The following RGS18 variants were observed in gnomAD, a reference collection of about 807,000 sequenced individuals.
The protein encoded by RGS18 is regulator of G protein signaling 18.
Under a neutral mutation model 27.6 loss-of-function variants are expected in RGS18, and 22 were observed. The observed-to-expected ratio is 0.80, with a 90% CI of 0.57 to 1.14. The LOEUF (loss-of-function observed/expected upper bound fraction) is 1.14, where lower values mean the gene tolerates loss of function less well. RGS18 is among the 50% of genes most tolerant of loss of function. The pLI is 0.00. For missense variants in RGS18, 299 were observed against 269.6 expected (o/e 1.11, Z -0.76); for synonymous variants, 89 against 84.6 (o/e 1.05, Z -0.29).
At chr1:192,178,886 C>A (rs1436053718) in intron 3 of RGS18, among the ~76,000 whole-genome samples, 1 of 151,372 alleles carries the variant, frequency 6.6e-6, no homozygotes, top group Non-Finnish European at 1.5e-5. Flanking sequence ...TTTCTAATGC[C>A]TCATTTTGTC....
At position 192,181,448 on chromosome 1, in the gene RGS18, C is replaced by A. The variant is rs1164501546; in HGVS notation, c.440C>A (p.Ala147Asp). ...TATGAGAAATTTATACAGACTGATGCCCCAAAAGAGGTACAGTAAAGATAA... is the reference window on the plus strand; with the variant it reads ...TATGAGAAATTTATACAGACTGATGACCCAAAAGAGGTACAGTAAAGATAA... The part of the protein sequence containing the change: ...AIYEKFIQTD[A>D]PKEVNLDFHT... The change falls in exon 4 of 5, where the codon GCC (alanine) becomes GAC (aspartate). Residue 147 changes from alanine to aspartate, a missense_variant. Ala to Asp is a moderately radical substitution (Grantham distance 126). Transcript: ENST00000367460. 6.5e-7 allele frequency: 1 copy of A among 1,542,556 alleles called. No individual in the cohort carries two copies. The highest frequency in any genetic ancestry group is 1.3e-5 in the South Asian group (1 of 75,746).
chr1:192,163,983 C>T (rs1656116809), intron 3 of RGS18, among the ~76,000 whole-genome samples: 1 of 151,340 alleles, frequency 6.6e-6, no homozygotes, highest in Admixed American at 6.6e-5. Flanking sequence ...TTATAAAATG[C>T]ATACTTTTCT....
chr1:192,183,929 G>A (rs1477960365), intron 4 of RGS18, among the ~76,000 whole-genome samples: 1 of 151,564 alleles, frequency 6.6e-6, no homozygotes, highest in Non-Finnish European at 1.5e-5. Context: ...AAAAGGCAGA[G>A]GGGGAGCAGT....
intron 3 of RGS18, among the ~76,000 whole-genome samples, chr1:192,161,191 C>A (rs1656065931): frequency 6.6e-6 from 1 of 152,140 alleles, no homozygotes; most frequent in East Asian, 1.9e-4. Flanking sequence ...ATTCTTCATT[C>A]TGTACTTCAT....
chr1:192,184,839 A>C lies in RGS18; in HGVS notation c.*285A>C, dbSNP rs1202699348. ...AAGTAATAATGTTTTATAAGATTGT[A>C]GAGTTAAGTAAAAGTTAAGCTTTTG... is the stretch of plus-strand genomic sequence containing the variant. On this transcript the variant is annotated 3_prime_UTR_variant, in exon 5 of 5. Transcript: ENST00000367460. 6 of 289,822 alleles carry C rather than the reference A, an allele frequency of 2.1e-5. No homozygotes were observed. Among genetic ancestry groups the C allele is most frequent in the Non-Finnish European group, 1.9e-5 (3 of 154,950 alleles). The allele number at this position is 289,822 out of a possible 1,614,324, so 18.0% of individuals were successfully genotyped here. A position where few individuals can be genotyped will look rare whatever the true frequency, so the allele number is the denominator to read the frequency against.
At chr1:192,177,903 AT>A (rs1656384432) in intron 3 of RGS18, among the ~76,000 whole-genome samples, 1 of 151,726 alleles carries the variant, frequency 6.6e-6, no homozygotes, top group Admixed American at 6.6e-5. Context: ...AAGAATCATA[AT>A]AAAATTTGTA....
In RGS18 at chr1:192,160,402, A is replaced by T; in HGVS notation, c.246A>T (p.Lys82Asn). The change falls in exon 3 of 5, where the codon AAA (lysine) becomes AAT (asparagine). Residue 82 changes from lysine (K) to asparagine (N), a missense_variant. Physicochemically the swap from Lys to Asn is moderately conservative, Grantham distance 94 (BLOSUM62 0). Transcript: ENST00000367460. ...ETRVSPEEAVKWGESFDKLLS... is the reference protein window; with the variant it reads ...ETRVSPEEAVNWGESFDKLLS... ...GAGTCTCCCCTGAAGAGGCAGTGAA[A>T]TGGGGTGAATCATTTGACAAACTGC... 1 of 1,612,536 alleles carries T rather than the reference A, an allele frequency of 6.2e-7. No individual in the cohort carries two copies. Among genetic ancestry groups the T allele is most frequent in the Non-Finnish European group, 8.5e-7 (1 of 1,178,728 alleles).
At chr1:192,161,323 T>G (rs551543721) in intron 3 of RGS18, 5 of 152,198 alleles carry the variant, frequency 3.3e-5, no homozygotes, top group African/African-American at 1.2e-4. Flanking sequence ...CATTTGACTC[T>G]GGAACACTGT....
intron 3 of RGS18, among the ~76,000 whole-genome samples, chr1:192,166,832 C>T (rs1440670328): frequency 1.3e-5 from 2 of 152,054 alleles, no homozygotes; most frequent in Admixed American, 6.5e-5. Flanking sequence ...AAAAGTTTTG[C>T]AGGGTTTTGT....
intron 3 of RGS18, chr1:192,163,629 C>G (rs1468062214): frequency 6.6e-6 from 1 of 152,066 alleles, no homozygotes; most frequent in Non-Finnish European, 1.5e-5. Flanking sequence ...TGGATATTAT[C>G]ACTTGTCATG....
intron 3 of RGS18, among the ~76,000 whole-genome samples, chr1:192,171,214 G>C (rs569182536): frequency 6.6e-6 from 1 of 152,060 alleles, no homozygotes; most frequent in African/African-American, 2.4e-5. Flanking sequence ...AAAAGCATAT[G>C]CTCAGTGTGA....
At position 192,160,383 on chromosome 1, in the gene RGS18, C is replaced by T. The variant is rs1207654677; in HGVS notation, c.227C>T (p.Ser76Phe). 1 of 1,610,688 alleles carries T rather than the reference C, an allele frequency of 6.2e-7. No homozygotes were observed. Residue 76 changes from serine (S) to phenylalanine (F), a missense_variant, in exon 3 of 5, where the codon TCC becomes TTC. By Grantham distance (155) the Ser-to-Phe change is radical. Transcript: ENST00000367460. ...ACATTTTGTTTCTTGTACAGAGTCT[C>T]CCCTGAAGAGGCAGTGAAATGGGGT... ...SGHLAKETRV[S>F]PEEAVKWGES...
intron 3 of RGS18, among the ~76,000 whole-genome samples, chr1:192,179,805 A>T (rs1656419703): frequency 6.6e-6 from 1 of 151,604 alleles, no homozygotes; most frequent in South Asian, 2.1e-4. Context: ...GTTAAAAAAA[A>T]TTACATGTGG....
chr1:192,177,698 A>G (rs1656380563), intron 3 of RGS18, among the ~76,000 whole-genome samples: 1 of 151,760 alleles, frequency 6.6e-6, no homozygotes, highest in Admixed American at 6.6e-5. Context: ...TATAGGCTGT[A>G]TGGGTTAGAT....
At chr1:192,178,035 G>A (rs1656386603) in intron 3 of RGS18, among the ~76,000 whole-genome samples, 1 of 151,524 alleles carries the variant, frequency 6.6e-6, no homozygotes, top group African/African-American at 2.4e-5. Context: ...TTGTGTGAGA[G>A]ATAGTTCCGG....
intron 3 of RGS18, among the ~76,000 whole-genome samples, chr1:192,177,566 G>A (rs553109856): frequency 2.8e-4 from 42 of 151,832 alleles, no homozygotes; most frequent in Non-Finnish European, 5.6e-4. Context: ...GGCAACTGCA[G>A]TACAATATTT....
chr1:192,177,926 T>C (rs575921823), intron 3 of RGS18, among the ~76,000 whole-genome samples: 1 of 151,634 alleles, frequency 6.6e-6, no homozygotes, highest in Non-Finnish European at 1.5e-5. Flanking sequence ...TGCAGCAAGA[T>C]ATTACTGATG....
intron 3 of RGS18, among the ~76,000 whole-genome samples, chr1:192,175,791 C>A (rs1656348471): frequency 6.6e-6 from 1 of 151,880 alleles, no homozygotes; most frequent in Non-Finnish European, 1.5e-5. Context: ...CACTGGTTAC[C>A]AATTAAGCCC....
intron 3 of RGS18, among the ~76,000 whole-genome samples, chr1:192,171,141 T>G (rs989454782): frequency 3.3e-5 from 5 of 152,170 alleles, no homozygotes; most frequent in Non-Finnish European, 5.9e-5. Context: ...GGAGGAAATG[T>G]ACAATGTATC....
Sources: allele counts gnomAD v4.1 joint callset (sites outside exome capture counted in the v4.1 genomes callset), GRCh38; gene constraint gnomAD v4.1.1; transcripts MANE v1.5; gene names NCBI Gene and HGNC (gene_info 2026-07-23, HGNC 2026-07-21).